Variants in RANBP2 observed in about 807,000 individuals in gnomAD.
RANBP2 encodes RAN binding protein 2.
RANBP2 carries 57 observed loss-of-function variants against 303.6 expected under a neutral mutation model. The observed-to-expected ratio is 0.19, with a 90% CI of 0.15 to 0.23. The LOEUF is 0.23. RANBP2 is among the 10% of genes least tolerant of loss of function. The pLI, the probability that RANBP2 is intolerant of heterozygous loss-of-function variation, is 1.00. For synonymous variants in RANBP2, 1,167 were observed against 1,301.5 expected, an observed-to-expected ratio of 0.90 and a Z score of 2.23; for missense variants, 3,138 against 3,780.8, an observed-to-expected ratio of 0.83 and a Z score of 4.46.
the RANBP2 span, among the ~76,000 whole-genome samples, chr2:109,658,937 T>C: frequency 6.6e-6 from 1 of 152,012 alleles, no homozygotes; most frequent in Non-Finnish European, 1.5e-5. Context: ...TGGTGATGAG[T>C]ACCTGTAATC....
the RANBP2 span, among the ~76,000 whole-genome samples, chr2:108,885,979 A>C: frequency 6.6e-6 from 1 of 152,154 alleles, no homozygotes; most frequent in African/African-American, 2.4e-5. Context: ...CATTGTGTAT[A>C]TGTACCACAT....
the RANBP2 span, among the ~76,000 whole-genome samples, chr2:108,805,989 T>C: frequency 7.1e-6 from 1 of 140,544 alleles, no homozygotes; most frequent in African/African-American, 2.5e-5. Flanking sequence ...GTATGGATTA[T>C]GTAACTTAAG....
chr2:109,335,108 G>T, the RANBP2 span, among the ~76,000 whole-genome samples: 1 of 152,190 alleles, frequency 6.6e-6, no homozygotes, highest in East Asian at 1.9e-4. Context: ...CTTCAAAACC[G>T]AACATTTCGT....
At chr2:109,317,273 G>A in the RANBP2 span, among the ~76,000 whole-genome samples, 4 of 152,236 alleles carry the variant, frequency 2.6e-5, no homozygotes, top group Middle Eastern at 3.4e-3. Flanking sequence ...CACAGATAGC[G>A]TCAAGTCTTG....
At chr2:108,833,861 G>A in the RANBP2 span, among the ~76,000 whole-genome samples, 3 of 148,938 alleles carry the variant, frequency 2.0e-5, no homozygotes, top group South Asian at 6.4e-4. Flanking sequence ...CCGAGTAGCT[G>A]GGACTACAGG....
the RANBP2 span, among the ~76,000 whole-genome samples, chr2:109,075,786 ACCTT>A: frequency 1.3e-5 from 2 of 150,472 alleles, no homozygotes; most frequent in African/African-American, 4.8e-5. Flanking sequence ...GCAACAGAAA[ACCTT>A]AACAGATGAG....
At chr2:109,579,460 T>G in the RANBP2 span, among the ~76,000 whole-genome samples, 9 of 151,580 alleles carry the variant, frequency 5.9e-5, no homozygotes, top group Admixed American at 5.3e-4. Flanking sequence ...CTTGGCTCAC[T>G]GCAAACTCTG....
the RANBP2 span, among the ~76,000 whole-genome samples, chr2:109,566,148 T>C: frequency 6.6e-6 from 1 of 151,720 alleles, no homozygotes; most frequent in Non-Finnish European, 1.5e-5. Context: ...TGAGACAGAG[T>C]CTTACTCTGT....
the RANBP2 span, among the ~76,000 whole-genome samples, chr2:109,010,228 A>G: frequency 2.0e-5 from 3 of 152,112 alleles, no homozygotes; most frequent in Non-Finnish European, 4.4e-5. Context: ...TTTTAATAAC[A>G]TGCTTATATT....
the RANBP2 span, chr2:108,816,204 A>G: frequency 1.1e-6 from 1 of 884,262 alleles, no homozygotes; most frequent in Non-Finnish European, 1.7e-6. Flanking sequence ...TAATCCCATC[A>G]CTTTGGGAGT....
chr2:109,682,173 A>G, the RANBP2 span, among the ~76,000 whole-genome samples: 1 of 152,242 alleles, frequency 6.6e-6, no homozygotes, highest in Non-Finnish European at 1.5e-5. Context: ...TTGTCAAAAT[A>G]TAATTTCCTG....
the RANBP2 span, among the ~76,000 whole-genome samples, chr2:109,677,466 C>T: frequency 6.6e-6 from 1 of 152,210 alleles, no homozygotes; most frequent in African/African-American, 2.4e-5. Flanking sequence ...AGAGCCCCTT[C>T]TCTTTGATCA....
chr2:109,376,276 A>G, the RANBP2 span, among the ~76,000 whole-genome samples: 1 of 152,252 alleles, frequency 6.6e-6, no homozygotes, highest in Admixed American at 6.5e-5. Flanking sequence ...TGATGTCAAC[A>G]ATACCAGGAC....
At chr2:109,666,452 G>A in the RANBP2 span, among the ~76,000 whole-genome samples, 3 of 152,150 alleles carry the variant, frequency 2.0e-5, no homozygotes, top group Non-Finnish European at 4.4e-5. Flanking sequence ...TATAGTTGAC[G>A]TTGGTAAAAA....
chr2:109,739,359 T>C, the RANBP2 span, among the ~76,000 whole-genome samples: 266 of 149,320 alleles, frequency 1.8e-3, 2 homozygotes, highest in African/African-American at 6.5e-3. Context: ...ATATTAATTC[T>C]TCTAATCCAT....
At chr2:109,507,933 G>A in the RANBP2 span, among the ~76,000 whole-genome samples, 1 of 152,194 alleles carries the variant, frequency 6.6e-6, no homozygotes, top group Admixed American at 6.5e-5. Flanking sequence ...GGCAAAGCCT[G>A]TCCTGTCCCA....
the RANBP2 span, among the ~76,000 whole-genome samples, chr2:109,305,899 T>C: frequency 6.6e-6 from 1 of 152,232 alleles, no homozygotes; most frequent in Non-Finnish European, 1.5e-5. Context: ...GGAGTTCCCC[T>C]GAGCTCTGCC....
At chr2:109,190,660 C>T in the RANBP2 span, among the ~76,000 whole-genome samples, 2,074 of 152,182 alleles carry the variant, frequency 0.014, 53 homozygotes, top group African/African-American at 0.044. Flanking sequence ...TGTTTCATTT[C>T]TACAGTCTAT....
chr2:108,842,689 C>G, the RANBP2 span, among the ~76,000 whole-genome samples: 1 of 152,256 alleles, frequency 6.6e-6, no homozygotes, highest in East Asian at 1.9e-4. Flanking sequence ...AGGCAGATAT[C>G]TGAATCAAAC....
Sources: gnomAD v4.1 joint callset for allele counts (sites outside exome capture counted in the v4.1 genomes callset) on GRCh38, gnomAD v4.1.1 for gene constraint, MANE v1.5 for transcripts, NCBI Gene and HGNC (gene_info 2026-07-23, HGNC 2026-07-21) for gene names.